The following TMEM132C variants were observed in gnomAD, a reference collection of about 807,000 sequenced individuals.
TMEM132C encodes protein phosphatase 1, regulatory subunit 152.
In TMEM132C, 29 loss-of-function variants were observed where a neutral mutation model predicts 61.4. The observed-to-expected ratio is 0.47, with a 90% CI of 0.35 to 0.64. The LOEUF (loss-of-function observed/expected upper bound fraction) is 0.64, where lower values mean the gene tolerates loss of function less well. Ranked by LOEUF, TMEM132C falls within the 30% of genes least tolerant of loss-of-function variation. The probability of loss-of-function intolerance (pLI) is 0.00; values close to 1 mark genes in which losing one functional copy is unlikely to be tolerated. For missense variants in TMEM132C, 1,408 were observed against 1,476.9 expected, an observed-to-expected ratio of 0.95 and a Z score of 0.76; for synonymous variants, 656 against 633.1, an observed-to-expected ratio of 1.04 and a Z score of -0.54.
intron 8 of TMEM132C, among the ~76,000 whole-genome samples, chr12:128,703,450 C>A (rs996388508): frequency 1.3e-5 from 2 of 152,204 alleles, no homozygotes; most frequent in Non-Finnish European, 2.9e-5. Context: ...CCTCTAGCTC[C>A]ATCTGGTCCC....
intron 2 of TMEM132C, among the ~76,000 whole-genome samples, chr12:128,478,876 G>GT (rs1434461963): frequency 6.6e-6 from 1 of 152,228 alleles, no homozygotes; most frequent in African/African-American, 2.4e-5. Flanking sequence ...TGTTAAGGAT[G>GT]TATGGTACTG....
chr12:128,440,543 C>G (rs1456962378), intron 2 of TMEM132C, among the ~76,000 whole-genome samples: 1 of 152,248 alleles, frequency 6.6e-6, no homozygotes. Context: ...GACCACATCT[C>G]TGCTGCCCTC....
chr12:128,358,084 C>T (rs1016733306), intron 1 of TMEM132C, among the ~76,000 whole-genome samples: 3 of 152,032 alleles, frequency 2.0e-5, no homozygotes, highest in African/African-American at 4.8e-5. Context: ...GTGAGCCATT[C>T]GAGGTTTGAA....
At chr12:128,480,360 T>C (rs1871279920) in intron 2 of TMEM132C, among the ~76,000 whole-genome samples, 1 of 152,216 alleles carries the variant, frequency 6.6e-6, no homozygotes, top group South Asian at 2.1e-4. Flanking sequence ...TCGTGGAATC[T>C]AAAACCTCTG....
At chr12:128,644,371 A>C (rs1954180210) in intron 4 of TMEM132C, among the ~76,000 whole-genome samples, 1 of 152,232 alleles carries the variant, frequency 6.6e-6, no homozygotes, top group African/African-American at 2.4e-5. Flanking sequence ...GAATAAACAA[A>C]TTTGTGGGTA....
intron 1 of TMEM132C, among the ~76,000 whole-genome samples, chr12:128,316,325 G>A (rs1872152113): frequency 6.6e-6 from 1 of 152,118 alleles, no homozygotes; most frequent in Admixed American, 6.5e-5. Context: ...AAAACCACTG[G>A]GGCGAGGTTC....
At chr12:128,626,761 T>A (rs1954021367) in intron 4 of TMEM132C, among the ~76,000 whole-genome samples, 1 of 152,118 alleles carries the variant, frequency 6.6e-6, no homozygotes. Flanking sequence ...TGCATTTCAA[T>A]ACAATTGATT....
intron 1 of TMEM132C, among the ~76,000 whole-genome samples, chr12:128,353,574 C>T (rs1341631362): frequency 2.6e-5 from 4 of 152,196 alleles, no homozygotes; most frequent in Non-Finnish European, 4.4e-5. Flanking sequence ...CCCTACTTTG[C>T]GCAGCTCCTC....
intron 4 of TMEM132C, among the ~76,000 whole-genome samples, chr12:128,643,357 G>A (rs1002513548): frequency 6.6e-6 from 1 of 152,118 alleles, no homozygotes; most frequent in Non-Finnish European, 1.5e-5. Context: ...CTGCTGTCTG[G>A]GCATACCCAT....
At chr12:128,483,150 C>T (rs1001363994) in intron 2 of TMEM132C, among the ~76,000 whole-genome samples, 4 of 149,490 alleles carry the variant, frequency 2.7e-5, no homozygotes, top group African/African-American at 9.9e-5. Context: ...CACCTGTAGT[C>T]CCAGCTGCTT....
intron 1 of TMEM132C, among the ~76,000 whole-genome samples, chr12:128,285,387 A>C (rs1012637956): frequency 6.7e-6 from 1 of 149,978 alleles, no homozygotes; most frequent in Non-Finnish European, 1.5e-5. Flanking sequence ...GAATGAAAAC[A>C]AAAAAAAAGA....
intron 4 of TMEM132C, among the ~76,000 whole-genome samples, chr12:128,637,723 A>G (rs1279363567): frequency 1.3e-5 from 2 of 152,146 alleles, no homozygotes; most frequent in African/African-American, 4.8e-5. Flanking sequence ...TCGCCACGAT[A>G]CAAACCTGCT....
intron 2 of TMEM132C, among the ~76,000 whole-genome samples, chr12:128,475,912 C>T (rs1387612413): frequency 1.3e-5 from 2 of 152,166 alleles, no homozygotes; most frequent in Non-Finnish European, 2.9e-5. Context: ...TTGGGATTGA[C>T]CAAGGGAGGT....
chr12:128,533,948 TACACACACAC>T (rs55794743), intron 2 of TMEM132C, among the ~76,000 whole-genome samples: 19 of 145,768 alleles, frequency 1.3e-4, no homozygotes, highest in South Asian at 4.5e-4. Context: ...CATGCGCACA[TACACACACAC>T]ACACACACAC....
At chr12:128,438,836 T>G (rs561077293) in intron 2 of TMEM132C, 1 of 152,308 alleles carries the variant, frequency 6.6e-6, no homozygotes, top group Non-Finnish European at 1.5e-5. Context: ...TGCATTTCTC[T>G]CCACTTCATT....
At chr12:128,663,946 A>G (rs953460673) in intron 4 of TMEM132C, among the ~76,000 whole-genome samples, 2 of 105,292 alleles carry the variant, frequency 1.9e-5, no homozygotes, top group Non-Finnish European at 4.1e-5. Context: ...ACACTCACAC[A>G]GGCACACACA....
At chr12:128,501,382 C>T (rs1290907850) in intron 2 of TMEM132C, among the ~76,000 whole-genome samples, 1 of 152,190 alleles carries the variant, frequency 6.6e-6, no homozygotes, top group African/African-American at 2.4e-5. Context: ...TCTCTTCTGC[C>T]ATCCACCTGC....
At chr12:128,352,038 T>C (rs1220562940) in intron 1 of TMEM132C, among the ~76,000 whole-genome samples, 1 of 152,134 alleles carries the variant, frequency 6.6e-6, no homozygotes. Flanking sequence ...AATGTCTTAC[T>C]CAGGGAAGTG....
chr12:128,403,783 A>G (rs537997144), intron 1 of TMEM132C, among the ~76,000 whole-genome samples: 6 of 152,226 alleles, frequency 3.9e-5, no homozygotes, highest in African/African-American at 1.2e-4. Flanking sequence ...GTGTCACTCC[A>G]TGAACTCCTA....
Sources: gnomAD v4.1 joint callset for allele counts (sites outside exome capture counted in the v4.1 genomes callset) on GRCh38, gnomAD v4.1.1 for gene constraint, MANE v1.5 for transcripts, NCBI Gene and HGNC (gene_info 2026-07-23, HGNC 2026-07-21) for gene names.